Variants in RPTOR observed in about 807,000 individuals in gnomAD.
The protein encoded by RPTOR is regulatory associated protein of MTOR complex 1.
Under a neutral mutation model 169.9 loss-of-function variants are expected in RPTOR, and 21 were observed. The ratio of observed to expected loss-of-function variants is 0.12; its 90% CI spans 0.09 to 0.18. RPTOR has a LOEUF of 0.18. RPTOR is among the 10% of genes least tolerant of loss of function. RPTOR has a pLI of 1.00. For synonymous variants in RPTOR, 732 were observed against 753.2 expected (o/e 0.97, Z 0.46); for missense variants, 1,133 against 1,855.9 (o/e 0.61, Z 7.16).
intron 6 of RPTOR, among the ~76,000 whole-genome samples, chr17:80,768,935 A>G (rs2066815193): frequency 6.6e-6 from 1 of 152,142 alleles, no homozygotes. Flanking sequence ...CCCTTTTTTA[A>G]ATAAAAAAGC....
chr17:80,934,468 C>T (rs770752290), intron 24 of RPTOR, among the ~76,000 whole-genome samples: 1 of 152,258 alleles, frequency 6.6e-6, no homozygotes, highest in East Asian at 1.9e-4. Flanking sequence ...GAGAGACCCT[C>T]CCACCTCTTC....
At chr17:80,638,802 C>T (rs1487299879) in intron 2 of RPTOR, among the ~76,000 whole-genome samples, 3 of 152,284 alleles carry the variant, frequency 2.0e-5, no homozygotes, top group South Asian at 2.1e-4. Context: ...GCTGAAAATC[C>T]GTCTAGCTCT....
rs140513581 is a variant in RPTOR, at chr17:80,960,844, G to C, written c.3606-550G>C. The C allele has an allele frequency of 6.1e-6, 1 of 164,230 alleles. No individual in the cohort carries two copies. Among genetic ancestry groups the C allele is most frequent in the African/African-American group, 2.4e-5 (1 of 41,770 alleles). 10.2% of individuals were successfully genotyped at this position (164,230 alleles called of 1,614,324 possible). Reference sequence around the variant, plus strand: ...GGCACTGCCTCTGCTGAGCACCCCCGTGGGCAGGTGCTGTCCGGGCCTAGC... The same window carrying C: ...GGCACTGCCTCTGCTGAGCACCCCCCTGGGCAGGTGCTGTCCGGGCCTAGC... On this transcript the variant is annotated intron_variant, in intron 30 of 33. Coordinates refer to ENST00000306801, the MANE Select transcript of RPTOR (RefSeq NM_020761.3). The surrounding 1 kb of genome is among the most constrained non-coding windows in gnomAD (Gnocchi z 4.8).
At chr17:80,632,955 T>A (rs879601101) in intron 2 of RPTOR, among the ~76,000 whole-genome samples, 1 of 152,000 alleles carries the variant, frequency 6.6e-6, no homozygotes, top group South Asian at 2.1e-4. Context: ...TAGATGTGCA[T>A]CCCCCACGCT....
intron 13 of RPTOR, among the ~76,000 whole-genome samples, chr17:80,877,559 G>A (rs1224824342): frequency 6.6e-6 from 1 of 152,214 alleles, no homozygotes; most frequent in Non-Finnish European, 1.5e-5. Context: ...TTACACTCTC[G>A]TGAGACATGT....
chr17:80,722,198 CATT>C (rs1030144831), intron 4 of RPTOR, among the ~76,000 whole-genome samples: 4 of 151,002 alleles, frequency 2.6e-5, no homozygotes, highest in Non-Finnish European at 4.4e-5. Flanking sequence ...TCATCATCAT[CATT>C]GAGTTTGGAA....
chr17:80,655,267 G>T (rs2065670803), intron 3 of RPTOR, among the ~76,000 whole-genome samples: 1 of 152,164 alleles, frequency 6.6e-6, no homozygotes, highest in Admixed American at 6.5e-5. Flanking sequence ...TGTATTTTTA[G>T]TGGAGACAGG....
rs972578029 is a variant in RPTOR at position 80,707,048 on chromosome 17, G to A, written c.349-793G>A. On this transcript the variant is annotated intron_variant, in intron 3 of 33. Transcript: ENST00000306801. The surrounding 1 kb of genome is among the most constrained non-coding windows in gnomAD (Gnocchi z 5.0). ...TTTGTGTATATCAAGGCTATTGATT[G>A]TTCTCTGTCAGTTTTAGATTCTGCT... is the stretch of plus-strand genomic sequence containing the variant. Among the ~76,000 whole-genome samples the A allele has an allele frequency of 3.2e-4, 49 of 152,166 alleles. 1 individual carries two copies. The highest frequency in any genetic ancestry group is 1.1e-3 in the African/African-American group (47 of 41,432).
At chr17:80,588,206 C>T (rs1262932576) in intron 1 of RPTOR, among the ~76,000 whole-genome samples, 2 of 150,544 alleles carry the variant, frequency 1.3e-5, no homozygotes, top group African/African-American at 4.9e-5. Context: ...CATGTCGCCC[C>T]GGCTGGAGTG....
At chr17:80,567,513 C>T (rs1181344648) in intron 1 of RPTOR, among the ~76,000 whole-genome samples, 16 of 151,762 alleles carry the variant, frequency 1.1e-4, no homozygotes, top group African/African-American at 3.4e-4. Context: ...AAGGTCTGGC[C>T]GGGCGCGGTG....
rs117798952 is a variant in RPTOR at position 80,710,290 on chromosome 17, C to T, written c.507+2291C>T. Among the ~76,000 whole-genome samples the T allele has an allele frequency of 8.3e-3, 1,260 of 152,098 alleles. 4 individuals carry two copies. The highest frequency in any genetic ancestry group is 0.013 in the Admixed American group (199 of 15,276). ...GATTACAGCGTGAGCCACTGCGCCC[C>T]GCTCCCAGTTGTGCTTTTTATTTGT... On this transcript the variant is annotated intron_variant, in intron 4 of 33. Transcript: ENST00000306801.
intron 6 of RPTOR, among the ~76,000 whole-genome samples, chr17:80,771,859 AC>A (rs2066846910): frequency 6.6e-6 from 1 of 151,934 alleles, no homozygotes; most frequent in Non-Finnish European, 1.5e-5. Flanking sequence ...TCGCTCGGGC[AC>A]CCCAGCTGGT....
At chr17:80,938,702 G>A (rs762505596) in intron 24 of RPTOR, among the ~76,000 whole-genome samples, 11 of 152,134 alleles carry the variant, frequency 7.2e-5, no homozygotes, top group African/African-American at 2.7e-4. Context: ...CTGTTTTATC[G>A]AGTGTGGTTT....
intron 1 of RPTOR, among the ~76,000 whole-genome samples, chr17:80,549,301 G>A (rs1354032681): frequency 6.6e-6 from 1 of 152,134 alleles, no homozygotes; most frequent in African/African-American, 2.4e-5. Flanking sequence ...AGACATATAT[G>A]AATTGTAGTT....
At chr17:80,830,691 G>A (rs372713040) in intron 9 of RPTOR, among the ~76,000 whole-genome samples, 3 of 152,172 alleles carry the variant, frequency 2.0e-5, no homozygotes, top group Admixed American at 6.5e-5. Context: ...AGGTGAGATC[G>A]CAGGTGCACT....
chr17:80,895,727 C>T (rs553293759), intron 20 of RPTOR, among the ~76,000 whole-genome samples: 1 of 152,330 alleles, frequency 6.6e-6, no homozygotes, highest in South Asian at 2.1e-4. Context: ...TGTTCTAAAG[C>T]GCAGGCGCCC....
At position 80,730,743 on chromosome 17, in the gene RPTOR, TG is replaced by T; in HGVS notation, c.654+39del. On this transcript the variant is annotated intron_variant, in intron 5 of 33. Transcript: ENST00000306801. This position sits in a 1 kb window ranked among gnomAD's most constrained non-coding sequence, Gnocchi z 4.2. ...GGTGCTTGGAGAGCGGTGCTGGGTT[TG>T]GTTTTGTTTTCCCTGGGGGTGGGGT... is the stretch of plus-strand genomic sequence containing the variant. 2 of 1,515,146 alleles carry T rather than the reference TG, an allele frequency of 1.3e-6. No homozygotes were observed. The highest frequency in any genetic ancestry group is 8.9e-7 in the Non-Finnish European group (1 of 1,117,580). 93.9% of individuals were successfully genotyped at this position (1,515,146 alleles called of 1,614,324 possible). A position where few individuals can be genotyped will look rare whatever the true frequency, so the allele number is the denominator to read the frequency against.
chr17:80,929,037 A>G (rs2068844471), intron 24 of RPTOR, among the ~76,000 whole-genome samples: 3 of 152,224 alleles, frequency 2.0e-5, no homozygotes, highest in Admixed American at 1.3e-4. Flanking sequence ...ACTAATATAC[A>G]TGTCCATGAA....
At chr17:80,592,564 A>G (rs962904973) in intron 1 of RPTOR, among the ~76,000 whole-genome samples, 2 of 152,068 alleles carry the variant, frequency 1.3e-5, no homozygotes, top group Admixed American at 1.3e-4. Flanking sequence ...GCAGCTCATT[A>G]ACTGTTCTCT....
Sources: gnomAD v4.1 joint callset for allele counts (sites outside exome capture counted in the v4.1 genomes callset) on GRCh38, gnomAD v4.1.1 for gene constraint, Gnocchi (gnomAD v3.1) non-coding constraint, MANE v1.5 for transcripts, NCBI Gene and HGNC (gene_info 2026-07-23, HGNC 2026-07-21) for gene names.